ANKRD46: variants seen among roughly 807,000 people sequenced by gnomAD.
The protein encoded by ANKRD46 is ankyrin repeat domain 46.
Under a neutral mutation model 19.8 loss-of-function variants are expected in ANKRD46, and 13 were observed. That is an observed-to-expected ratio of 0.66 (90% CI 0.43 to 1.04). The LOEUF is 1.04. Ranked by LOEUF, ANKRD46 falls within the 50% of genes least tolerant of loss-of-function variation. ANKRD46 has a pLI of 0.00. For synonymous variants in ANKRD46, 91 were observed against 106.9 expected (o/e 0.85, Z 0.92); for missense variants, 185 against 274.8 (o/e 0.67, Z 2.31).
chr8:100,517,125 T>A (rs1284356097), downstream of ANKRD46, among the ~76,000 whole-genome samples: 1 of 152,204 alleles, frequency 6.6e-6, no homozygotes, highest in Non-Finnish European at 1.5e-5. Context: ...TACCACTTAT[T>A]AATGAAGAGC....
chr8:100,520,830 A>C lies in ANKRD46; in HGVS notation c.*1725T>G. ...TTCCTGAATGATGAATGCAGAGAAC[A>C]GAATACAAAGAAATCAGCACATAAA... On this transcript the variant is annotated 3_prime_UTR_variant, in exon 5 of 5. Transcript: ENST00000335659. 1.0e-6 allele frequency: 1 copy of C among 984,792 alleles called. No individual in the cohort carries two copies. The highest frequency in any genetic ancestry group is 1.2e-6 in the Non-Finnish European group (1 of 829,416). 61.0% of individuals were successfully genotyped at this position (984,792 alleles called of 1,614,324 possible).
downstream of ANKRD46, among the ~76,000 whole-genome samples, chr8:100,518,027 C>T (rs983867690): frequency 2.0e-5 from 3 of 152,134 alleles, no homozygotes; most frequent in Non-Finnish European, 4.4e-5. Context: ...CCCATCTCTA[C>T]TAAAAATACA....
In ANKRD46 at chr8:100,529,425, T is replaced by C; in HGVS notation, c.311+98A>G. ...TGCTTTCTGAACTTATTTCAACTGATTAATGAGGAAACAAAACCAACAGAC... is the reference window on the plus strand; with the variant it reads ...TGCTTTCTGAACTTATTTCAACTGACTAATGAGGAAACAAAACCAACAGAC... On this transcript the variant is annotated intron_variant, in intron 3 of 4. Coordinates refer to ENST00000335659, the MANE Select transcript of ANKRD46 (RefSeq NM_001270377.2). This position sits in a 1 kb window ranked among gnomAD's most constrained non-coding sequence, Gnocchi z 5.8. 1 of 1,257,968 alleles carries C rather than the reference T, an allele frequency of 7.9e-7. No homozygotes were observed. The highest frequency in any genetic ancestry group is 1.1e-6 in the Non-Finnish European group (1 of 914,122). 77.9% of individuals were successfully genotyped at this position (1,257,968 alleles called of 1,614,324 possible).
In ANKRD46 at chr8:100,546,420, C is replaced by T. The variant is rs1294921850; in HGVS notation, c.-130-13109G>A. ...GCTCAGACCATTGCTTCAGAGGGTG[C>T]GGGCCCCAAGCCTTGGCAGCTTCCA... On this transcript the variant is annotated intron_variant, in intron 1 of 4. Coordinates refer to ENST00000335659, the MANE Select transcript of ANKRD46 (RefSeq NM_001270377.2). The surrounding 1 kb of genome is among the most constrained non-coding windows in gnomAD (Gnocchi z 4.0). Among the ~76,000 whole-genome samples the T allele has an allele frequency of 6.6e-6, 1 of 152,250 alleles. No homozygotes were observed. Among genetic ancestry groups the T allele is most frequent in the Non-Finnish European group, 1.5e-5 (1 of 68,048 alleles).
chr8:100,535,315 A>G (rs1463655595), intron 1 of ANKRD46, among the ~76,000 whole-genome samples: 1 of 152,214 alleles, frequency 6.6e-6, no homozygotes, highest in East Asian at 1.9e-4. Flanking sequence ...GAAGAGGACT[A>G]AAGACTTTTT....
rs1812358046 is a variant in ANKRD46, at chr8:100,550,294, T to C, written c.-131+9417A>G. The stretch of plus-strand genomic sequence containing the variant: ...CATTCCCACTAGCAATGAATAAGAG[T>C]TCCTGTTAATCCACATTCTCACCAG... On this transcript the variant is annotated intron_variant, in intron 1 of 4. Coordinates refer to ENST00000335659, the MANE Select transcript of ANKRD46 (RefSeq NM_001270377.2). The surrounding 1 kb of genome is among the most constrained non-coding windows in gnomAD (Gnocchi z 4.4). Among the ~76,000 whole-genome samples the C allele has an allele frequency of 6.6e-6, 1 of 152,154 alleles. No individual in the cohort carries two copies. Among genetic ancestry groups the C allele is most frequent in the Admixed American group, 6.5e-5 (1 of 15,270 alleles).
At position 100,525,399 on chromosome 8, in the gene ANKRD46, G is replaced by A. The variant is rs917696681; in HGVS notation, c.470+2446C>T. 6.6e-6 allele frequency among the ~76,000 whole-genome samples: 1 copy of A among 152,104 alleles called. No individual in the cohort carries two copies. Among genetic ancestry groups the A allele is most frequent in the Non-Finnish European group, 1.5e-5 (1 of 68,014 alleles). The stretch of plus-strand genomic sequence containing the variant: ...ATAAGAAACTCTGTACCTATTAGCA[G>A]TCACTCCCATTGCCCCTTCTCCCAG... On this transcript the variant is annotated intron_variant, in intron 4 of 4. Transcript: ENST00000335659. This position sits in a 1 kb window ranked among gnomAD's most constrained non-coding sequence, Gnocchi z 4.4.
At chr8:100,518,860 A>AT (rs1337164194), downstream of ANKRD46, among the ~76,000 whole-genome samples, 4 of 126,786 alleles carry the variant, frequency 3.2e-5, no homozygotes, top group African/African-American at 1.2e-4. Context: ...TCAAAAAAAA[A>AT]AAATAAATAA....
Position 100,510,508 on chromosome 8 carries a change from G to T in ANKRD46, c.*69C>A. 7.0e-7 allele frequency: 1 copy of T among 1,436,252 alleles called. No individual in the cohort carries two copies. Among genetic ancestry groups the T allele is most frequent in the Non-Finnish European group, 9.4e-7 (1 of 1,065,586 alleles). The allele number at this position is 1,436,252 out of a possible 1,614,324, so 89.0% of individuals were successfully genotyped here. A position where few individuals can be genotyped will look rare whatever the true frequency, so the allele number is the denominator to read the frequency against. ...GACGGAAACAGCCCCACCCAACAGG[G>T]ACGCTGACGTCTGTATCCCTTCTTT... On this transcript the variant is annotated 3_prime_UTR_variant, in exon 6 of 6. Transcript: ENST00000520552. The surrounding 1 kb of genome is among the most constrained non-coding windows in gnomAD (Gnocchi z 4.9).
rs1435774453 is a variant in ANKRD46 at position 100,524,784 on chromosome 8, A to C, written c.471-2013T>G. 6.6e-6 allele frequency among the ~76,000 whole-genome samples: 1 copy of C among 152,222 alleles called. No individual in the cohort carries two copies. The highest frequency in any genetic ancestry group is 6.5e-5 in the Admixed American group (1 of 15,286). On this transcript the variant is annotated intron_variant, in intron 4 of 4. Transcript: ENST00000335659. This position sits in a 1 kb window ranked among gnomAD's most constrained non-coding sequence, Gnocchi z 4.3. ...TCCATGAGCATTCTCATTGTTCTTC[A>C]GAGCTCATGAAGCTCTGCCAATCGG...
At chr8:100,555,405 T>C (rs1166152864) in intron 1 of ANKRD46, among the ~76,000 whole-genome samples, 3 of 138,030 alleles carry the variant, frequency 2.2e-5, no homozygotes, top group Admixed American at 7.1e-5. Flanking sequence ...TCCAGAAAAA[T>C]ACTGTGCTCT....
At chr8:100,548,881 C>T (rs1812325004) in intron 1 of ANKRD46, among the ~76,000 whole-genome samples, 1 of 152,076 alleles carries the variant, frequency 6.6e-6, no homozygotes, top group Non-Finnish European at 1.5e-5. Flanking sequence ...CTTTTAATGT[C>T]TGAGAAATAG....
intron 1 of ANKRD46, among the ~76,000 whole-genome samples, chr8:100,547,077 C>T (rs1390833101): frequency 6.6e-6 from 1 of 152,122 alleles, no homozygotes; most frequent in East Asian, 1.9e-4. Context: ...TGGACTTGGA[C>T]TTTAGGTTAA....
chr8:100,551,849 G>T, intron 1 of ANKRD46: 1 of 338,324 alleles, frequency 3.0e-6, no homozygotes, highest in South Asian at 2.8e-5. Context: ...CATCATATAT[G>T]TCTTTTGAAA....
chr8:100,555,788 AT>A (rs1326939927), intron 1 of ANKRD46, among the ~76,000 whole-genome samples: 74 of 141,388 alleles, frequency 5.2e-4, no homozygotes, highest in African/African-American at 1.7e-3. Flanking sequence ...AGGACCTGTT[AT>A]CTTTTAGATA....
chr8:100,531,843 T>C (rs1344867169), intron 2 of ANKRD46, among the ~76,000 whole-genome samples: 5 of 152,154 alleles, frequency 3.3e-5, no homozygotes. Context: ...CACAGTCTTA[T>C]TAGTCTTTCA....
chr8:100,552,284 T>C (rs1431366605), intron 1 of ANKRD46, among the ~76,000 whole-genome samples: 1 of 152,174 alleles, frequency 6.6e-6, no homozygotes, highest in Non-Finnish European at 1.5e-5. Context: ...ATTTCCATTT[T>C]GGCCAATTCC....
chr8:100,519,641 T>C (rs1811688957), downstream of ANKRD46, among the ~76,000 whole-genome samples: 1 of 152,182 alleles, frequency 6.6e-6, no homozygotes, highest in Non-Finnish European at 1.5e-5. Flanking sequence ...AATAAAAACA[T>C]AGAAACCAAA....
chr8:100,521,796 A>G lies in ANKRD46; in HGVS notation c.*759T>C. On this transcript the variant is annotated 3_prime_UTR_variant, in exon 5 of 5. Coordinates refer to ENST00000335659, the MANE Select transcript of ANKRD46 (RefSeq NM_001270377.2). ...GTAGAAAAAGGATTTTCTGACTGTA[A>G]TTCTGATGAACTGTTATCTTTGATG... The G allele has an allele frequency of 1.0e-6, 1 of 985,394 alleles. No individual in the cohort carries two copies. The highest frequency in any genetic ancestry group is 5.2e-4 in the Middle Eastern group (1 of 1,912). 61.0% of individuals were successfully genotyped at this position (985,394 alleles called of 1,614,324 possible).
Sources: gnomAD v4.1 joint callset for allele counts (sites outside exome capture counted in the v4.1 genomes callset) on GRCh38, gnomAD v4.1.1 for gene constraint, Gnocchi (gnomAD v3.1) non-coding constraint, MANE v1.5 for transcripts, NCBI Gene and HGNC (gene_info 2026-07-23, HGNC 2026-07-21) for gene names.